Variants in STAG3 observed in about 807,000 individuals in gnomAD.
STAG3 encodes the protein cohesin subunit SA-3.
A neutral mutation model predicts 160.7 loss-of-function variants in STAG3; 101 were observed. The observed-to-expected ratio is 0.63, with a 90% CI of 0.54 to 0.74. The LOEUF (loss-of-function observed/expected upper bound fraction) is 0.74. Among genes scored for constraint, STAG3 ranks in the 30% least tolerant of loss-of-function variants. The pLI, the probability that STAG3 is intolerant of heterozygous loss-of-function variation, is 0.00. For synonymous variants in STAG3, 519 were observed against 585.0 expected (o/e 0.89, Z 1.63); for missense variants, 1,188 against 1,517.4 (o/e 0.78, Z 3.61).
At chr7:100,190,423 G>C (rs1800282292) in intron 8 of STAG3, among the ~76,000 whole-genome samples, 1 of 152,156 alleles carries the variant, frequency 6.6e-6, no homozygotes, top group African/African-American at 2.4e-5. Context: ...TAAATCACTA[G>C]AGAAGGAAAC....
chr7:100,209,515 TA>T (rs1235133865), intron 29 of STAG3, among the ~76,000 whole-genome samples: 1 of 152,132 alleles, frequency 6.6e-6, no homozygotes, highest in East Asian at 1.9e-4. Flanking sequence ...CTGAGTGCAG[TA>T]GGAAAACCAT....
chr7:100,199,734 C>T, intron 16 of STAG3, 90 bp downstream of exon 16: 1 of 977,658 alleles, frequency 1.0e-6, no homozygotes, highest in Non-Finnish European at 1.5e-6. Flanking sequence ...GGTTAGGGTG[C>T]TCCTTCTACC....
intron 13 of STAG3, 123 bp from the exon 14 acceptor site, chr7:100,198,720 G>C: frequency 8.2e-7 from 1 of 1,222,108 alleles, no homozygotes; most frequent in Non-Finnish European, 1.2e-6. Flanking sequence ...GCTCCTTGGG[G>C]CTTTCCTTAG....
chr7:100,210,038 T>C (rs1213819545), intron 29 of STAG3, among the ~76,000 whole-genome samples: 1 of 152,152 alleles, frequency 6.6e-6, no homozygotes, highest in Non-Finnish European at 1.5e-5. Context: ...GTATAGGTGA[T>C]ATTTAAGGAC....
chr7:100,200,304 C>T lies in STAG3; in HGVS notation c.1746C>T (p.Pro582=), dbSNP rs372029845. ...TGAAGTTGACTGAGCACCTCATCCC[C>T]CTGCTGCCCCAGCTCCTGGCCAAGG... ...DRVKLTEHLI[P]LLPQLLAKFS... is the part of the protein sequence containing the mutation. Residue 582 remains proline, a synonymous_variant, in exon 17 of 34, where the codon CCC becomes CCT. Transcript: ENST00000615138. 9 of 1,613,864 alleles carry T rather than the reference C, an allele frequency of 5.6e-6. No homozygotes were observed. The highest frequency in any genetic ancestry group is 2.2e-5 in the East Asian group (1 of 44,854).
chr7:100,182,882 G>A (rs1407077376), intron 4 of STAG3, 43 bp downstream of exon 4: 1 of 1,606,084 alleles, frequency 6.2e-7, no homozygotes. Flanking sequence ...CTCACTTTTT[G>A]TAAGGTGGTA....
At chr7:100,194,142 T>A (rs548900453) in intron 8 of STAG3, among the ~76,000 whole-genome samples, 18 of 152,074 alleles carry the variant, frequency 1.2e-4, no homozygotes, top group Non-Finnish European at 2.5e-4. Flanking sequence ...AGACGGGGTT[T>A]CGCCATGTTG....
intron 32 of STAG3, chr7:100,212,641 T>C (rs1049358578): frequency 3.0e-4 from 45 of 152,150 alleles, no homozygotes; most frequent in Non-Finnish European, 7.3e-5. Flanking sequence ...GTATTTTTAG[T>C]AGAGACGGGG....
At chr7:100,182,563 A>G (rs1478001342) in intron 3 of STAG3, among the ~76,000 whole-genome samples, 160 bp from the exon 4 acceptor site, 1 of 152,190 alleles carries the variant, frequency 6.6e-6, no homozygotes, top group Non-Finnish European at 1.5e-5. Context: ...ACTTCATAAC[A>G]ATATAAAAAT....
rs1446479092 is a variant in STAG3, at chr7:100,204,760, T to C, written c.2936T>C (p.Val979Ala). The change falls in exon 27 of 34, where the codon GTG becomes GCG. Residue 979 changes from valine (V) to alanine (A), a missense_variant. By Grantham distance (64) the Val-to-Ala change is moderately conservative. Around this residue, in one of 4 missense-constraint regions of STAG3, gnomAD observed 647 missense variants for 717.2 expected, o/e 0.90. Coordinates refer to ENST00000615138, the MANE Select transcript of STAG3 (RefSeq NM_001282717.2). ...GPQQLQNRDL[V>A]VMLHKEGIQF... is the part of the protein sequence containing the mutation. ...CAGCAGCTGCAGAACCGTGACCTCG[T>C]GGTCATGCTACACAAGTAGGAAGTA... 2 of 1,613,290 alleles carry C rather than the reference T, an allele frequency of 1.2e-6. No individual in the cohort carries two copies. The highest frequency in any genetic ancestry group is 1.7e-6 in the Non-Finnish European group (2 of 1,179,842).
downstream of STAG3, among the ~76,000 whole-genome samples, chr7:100,216,616 T>C (rs1039506053): frequency 2.6e-5 from 4 of 152,034 alleles, no homozygotes; most frequent in South Asian, 8.3e-4. Context: ...CTGGCCAACA[T>C]GGTGAAACCC....
At chr7:100,209,720 C>T (rs571871781) in intron 29 of STAG3, among the ~76,000 whole-genome samples, 2 of 152,238 alleles carry the variant, frequency 1.3e-5, no homozygotes, top group East Asian at 3.9e-4. Flanking sequence ...GTGGAGGTGC[C>T]GAGAAACGGC....
intron 21 of STAG3, 108 bp downstream of exon 21, chr7:100,201,459 A>G (rs577912199): frequency 3.1e-6 from 3 of 955,294 alleles, no homozygotes; most frequent in Non-Finnish European, 4.9e-6. Flanking sequence ...GGAGTGGACA[A>G]AGCGAGGAAG....
Position 100,201,778 on chromosome 7 carries a change from T to C in STAG3, c.2221-8T>C. 1 of 1,614,110 alleles carries C rather than the reference T, an allele frequency of 6.2e-7. No homozygotes were observed. The highest frequency in any genetic ancestry group is 8.5e-7 in the Non-Finnish European group (1 of 1,179,918). On this transcript the variant is annotated splice_region_variant and splice_polypyrimidine_tract_variant and intron_variant, in intron 21 of 33. Transcript: ENST00000615138. ...AAACCTCATTTTTCAAACCCTTTGTTGTTACAGGTTATCCTGCCAGCCTTG... is the reference window on the plus strand; with the variant it reads ...AAACCTCATTTTTCAAACCCTTTGTCGTTACAGGTTATCCTGCCAGCCTTG...
intron 4 of STAG3, among the ~76,000 whole-genome samples, chr7:100,183,170 C>T (rs1169175956): frequency 2.6e-5 from 4 of 152,150 alleles, no homozygotes; most frequent in Admixed American, 1.3e-4. Context: ...TGTGCCACCA[C>T]GCCCAGCTAC....
At chr7:100,214,744 T>C (rs965647888), downstream of STAG3, among the ~76,000 whole-genome samples, 2 of 152,164 alleles carry the variant, frequency 1.3e-5, no homozygotes, top group African/African-American at 4.8e-5. Context: ...AATTTTATCC[T>C]CATCCCAAAG....
Position 100,214,037 on chromosome 7 carries a change from A to C in STAG3, c.*22A>C, listed in dbSNP as rs1363951978. On this transcript the variant is annotated 3_prime_UTR_variant, in exon 34 of 34. Transcript: ENST00000615138. ...CTGACAGGACTCTGGGCCCCTCCCC[A>C]GCTCCACTCCCTACCTCAAGAATGT... 1.2e-5 allele frequency: 20 copies of C among 1,613,666 alleles called. No individual in the cohort carries two copies. The highest frequency in any genetic ancestry group is 1.6e-5 in the Non-Finnish European group (19 of 1,179,784).
At chr7:100,219,024 G>A (rs1803015633), downstream of STAG3, 1 of 153,348 alleles carries the variant, frequency 6.5e-6, no homozygotes, top group African/African-American at 2.4e-5. Context: ...AACCTGTAGT[G>A]TGCAAAGGAG....
chr7:100,208,759 CTCTT>C (rs1193593331), intron 29 of STAG3, among the ~76,000 whole-genome samples: 2 of 152,168 alleles, frequency 1.3e-5, no homozygotes, highest in South Asian at 2.1e-4. Flanking sequence ...AGCTAAACAT[CTCTT>C]TCTTTAGAGA....
Sources: gnomAD v4.1 joint callset for allele counts (sites outside exome capture counted in the v4.1 genomes callset) on GRCh38, gnomAD v4.1.1 for gene constraint, gnomAD v4.1.1 regional missense constraint, MANE v1.5 for transcripts, NCBI Gene and HGNC (gene_info 2026-07-23, HGNC 2026-07-21) for gene names.